Variants in KAZN observed in about 807,000 individuals in gnomAD.
KAZN encodes kazrin, periplakin interacting protein, also known as kazrin.
In KAZN, 40 loss-of-function variants were observed where a neutral mutation model predicts 87.4. That is an observed-to-expected ratio of 0.46 (90% CI 0.36 to 0.60). KAZN has a LOEUF of 0.60. Among genes scored for constraint, KAZN ranks in the 20% least tolerant of loss-of-function variants. The pLI is 0.00. For synonymous variants in KAZN, 466 were observed against 458.3 expected, an observed-to-expected ratio of 1.02 and a Z score of -0.22; for missense variants, 898 against 1,073.9, an observed-to-expected ratio of 0.84 and a Z score of 2.29.
intron 12 of KAZN, 103 bp downstream of exon 12, chr1:15,103,563 G>GCAA (rs1557801701): frequency 2.6e-6 from 2 of 783,556 alleles, no homozygotes; most frequent in African/African-American, 3.6e-5. Context: ...TCAATATGCA[G>GCAA]ATCTCATGCA....
chr1:13,918,771 G>T (rs10927954), intron 1 of KAZN, among the ~76,000 whole-genome samples: 1 of 152,056 alleles, frequency 6.6e-6, no homozygotes, highest in South Asian at 2.1e-4. Flanking sequence ...ATCAAAGCAG[G>T]AGTACTCCAC....
intron 1 of KAZN, among the ~76,000 whole-genome samples, chr1:14,166,609 T>TGG (rs1645831998): frequency 3.7e-5 from 3 of 80,206 alleles, no homozygotes. Context: ...TTTGGTACTA[T>TGG]TGTGTTACTA....
intron 1 of KAZN, among the ~76,000 whole-genome samples, chr1:14,633,371 G>A (rs749606289): frequency 2.6e-5 from 4 of 152,258 alleles, no homozygotes; most frequent in East Asian, 1.9e-4. Context: ...AAGAGGGTCC[G>A]AATCAGAGAA....
At chr1:14,558,705 C>A (rs978598965) in intron 2 of KAZN, among the ~76,000 whole-genome samples, 10 of 152,098 alleles carry the variant, frequency 6.6e-5, no homozygotes, top group Admixed American at 5.9e-4. Context: ...CGGTCTTCTG[C>A]CTCACGCTGG....
chr1:14,514,607 A>T (rs1433622797), intron 2 of KAZN, among the ~76,000 whole-genome samples: 1,653 of 38,084 alleles, frequency 0.043, 78 homozygotes, highest in African/African-American at 0.089. Context: ...ATATATATAT[A>T]TATATATATA....
At chr1:13,893,461 T>G (rs370718097) in exon 1 of KAZN, 1 of 785,514 alleles carries the variant, frequency 1.3e-6, no homozygotes, top group Non-Finnish European at 1.9e-6. Flanking sequence ...TTTCATTTTT[T>G]ACTTGACTGG....
intron 1 of KAZN, among the ~76,000 whole-genome samples, chr1:13,895,048 A>G (rs1638983327): frequency 6.6e-6 from 1 of 152,228 alleles, no homozygotes; most frequent in Non-Finnish European, 1.5e-5. Flanking sequence ...TAGGCACTCC[A>G]TAAGGTCATT....
chr1:14,376,353 TA>T (rs1487070972), intron 2 of KAZN, among the ~76,000 whole-genome samples: 3 of 152,040 alleles, frequency 2.0e-5, no homozygotes, highest in Non-Finnish European at 4.4e-5. Context: ...AACTAGGAGG[TA>T]ACTAGGTTAT....
chr1:14,189,540 A>G (rs963935351), intron 2 of KAZN, among the ~76,000 whole-genome samples: 1 of 152,136 alleles, frequency 6.6e-6, no homozygotes. Flanking sequence ...GGTGTCCCTC[A>G]TACATTGTGC....
intron 1 of KAZN, among the ~76,000 whole-genome samples, chr1:14,730,350 G>A (rs1481509919): frequency 2.0e-5 from 3 of 152,114 alleles, no homozygotes; most frequent in Non-Finnish European, 4.4e-5. Flanking sequence ...CCAAAGTGCT[G>A]GGATTACAGG....
rs763767893 is a variant in KAZN at position 14,755,086 on chromosome 1, G to GAAA, written c.226+155863_226+155864insAAA. 8.5e-3 allele frequency among the ~76,000 whole-genome samples: 423 copies of GAAA among 50,020 alleles called. 2 individuals carry two copies. The highest frequency in any genetic ancestry group is 0.013 in the Non-Finnish European group (336 of 26,656). The allele number at this position is 50,020 out of a possible 152,430, so 32.8% of individuals were successfully genotyped here. A position where few individuals can be genotyped will look rare whatever the true frequency, so the allele number is the denominator to read the frequency against. ...GAGAAACCCCATCTCTACTAAAAAT[G>GAAA]CAAAAAAAAAAAAAAAAATAGCCAG... On this transcript the variant is annotated intron_variant, in intron 1 of 14. Transcript: ENST00000376030.
At chr1:14,108,969 T>C (rs966423897) in intron 1 of KAZN, among the ~76,000 whole-genome samples, 10 of 152,182 alleles carry the variant, frequency 6.6e-5, no homozygotes, top group African/African-American at 2.2e-4. Context: ...ATCGTGTGTA[T>C]GAGTGTTTCA....
chr1:14,060,824 A>T (rs546230750), intron 1 of KAZN, among the ~76,000 whole-genome samples: 17 of 152,326 alleles, frequency 1.1e-4, no homozygotes, highest in African/African-American at 4.1e-4. Context: ...AGCAGGCAAA[A>T]TCCAGGACCA....
At chr1:14,037,426 C>T (rs1298133347) in intron 1 of KAZN, among the ~76,000 whole-genome samples, 2 of 152,166 alleles carry the variant, frequency 1.3e-5, no homozygotes, top group Non-Finnish European at 2.9e-5. Flanking sequence ...GCGGAGAAAT[C>T]TCTGCACTGA....
chr1:14,886,226 G>A (rs1005219185), intron 1 of KAZN, among the ~76,000 whole-genome samples: 3 of 151,258 alleles, frequency 2.0e-5, no homozygotes, highest in South Asian at 4.2e-4. Context: ...GTTCGGGACC[G>A]GCCTGGGCAA....
intron 2 of KAZN, among the ~76,000 whole-genome samples, chr1:15,008,972 C>T (rs569055643): frequency 6.6e-6 from 1 of 152,230 alleles, no homozygotes; most frequent in Non-Finnish European, 1.5e-5. Flanking sequence ...ACTTTGGTTT[C>T]CTTAAGAGGT....
intron 1 of KAZN, among the ~76,000 whole-genome samples, chr1:14,034,297 T>C (rs1032244082): frequency 2.0e-5 from 3 of 152,200 alleles, no homozygotes; most frequent in Non-Finnish European, 2.9e-5. Context: ...GTTTTTTTTT[T>C]CTGTGCCTTT....
chr1:14,060,169 C>G (rs1642733006), intron 1 of KAZN, among the ~76,000 whole-genome samples: 2 of 152,032 alleles, frequency 1.3e-5, no homozygotes, highest in Non-Finnish European at 2.9e-5. Context: ...CGAGACCATC[C>G]TAGCTAACAC....
chr1:14,456,850 C>T (rs1433550567), intron 2 of KAZN, among the ~76,000 whole-genome samples: 5 of 152,012 alleles, frequency 3.3e-5, no homozygotes, highest in Non-Finnish European at 5.9e-5. Flanking sequence ...GAGGCTGAGG[C>T]GGGTGGATCA....
Sources: allele counts gnomAD v4.1 joint callset (sites outside exome capture counted in the v4.1 genomes callset), GRCh38; gene constraint gnomAD v4.1.1; transcripts MANE v1.5; gene names NCBI Gene and HGNC (gene_info 2026-07-23, HGNC 2026-07-21).